Variants in CAMK2D observed in about 807,000 individuals in gnomAD.
CAMK2D encodes the protein calcium/calmodulin dependent protein kinase II delta, also known as calcium/calmodulin-dependent protein kinase type II subunit delta.
In CAMK2D, 37 loss-of-function variants were observed where a neutral mutation model predicts 84.0. That is an observed-to-expected ratio of 0.44 (90% CI 0.34 to 0.58). CAMK2D has a LOEUF of 0.58. Among genes scored for constraint, CAMK2D ranks in the 20% least tolerant of loss-of-function variants. CAMK2D has a pLI of 0.02. For synonymous variants in CAMK2D, 202 were observed against 212.5 expected (o/e 0.95, Z 0.43); for missense variants, 448 against 652.5 (o/e 0.69, Z 3.41).
intron 20 of CAMK2D, among the ~76,000 whole-genome samples, chr4:113,455,510 AGT>A (rs2097293484): frequency 3.3e-5 from 5 of 152,320 alleles, no homozygotes; most frequent in Admixed American, 3.3e-4. Context: ...AATTCTTTTC[AGT>A]GTTTATTACC....
At chr4:113,716,520 G>A (rs1466936374) in intron 2 of CAMK2D, among the ~76,000 whole-genome samples, 2 of 151,882 alleles carry the variant, frequency 1.3e-5, no homozygotes, top group Non-Finnish European at 2.9e-5. Flanking sequence ...ATGTGGTGGT[G>A]CACACCTGTA....
chr4:113,504,728 G>C (rs1226638374), intron 14 of CAMK2D, among the ~76,000 whole-genome samples: 1 of 150,036 alleles, frequency 6.7e-6, no homozygotes, highest in African/African-American at 2.4e-5. Flanking sequence ...TCAGTACAAT[G>C]TTCAACAACG....
At chr4:113,734,151 A>G (rs2099575688) in intron 2 of CAMK2D, among the ~76,000 whole-genome samples, 1 of 152,178 alleles carries the variant, frequency 6.6e-6, no homozygotes, top group South Asian at 2.1e-4. Context: ...AACTGAGGGC[A>G]TAAAATAAAA....
In CAMK2D at chr4:113,517,566, A is replaced by T; in HGVS notation, c.693T>A (p.Tyr231Ter). Reference protein sequence around the residue: ...RLYQQIKAGAYDFPSPEWDTV... With the variant: ...RLYQQIKAGA ...GATATAAATAGTTATTACATACATCATAAGCTCCAGCCTTGATCTGCTGAT... is the reference window on the plus strand; with the variant it reads ...GATATAAATAGTTATTACATACATCTTAAGCTCCAGCCTTGATCTGCTGAT... Residue 231 changes from tyrosine (Y) to a stop codon, truncating the protein, a stop_gained, in exon 9 of 21, where the codon TAT becomes TAA. Coordinates refer to ENST00000511664, the MANE Select transcript of CAMK2D (RefSeq NM_001321571.2). LOFTEE classifies it high-confidence loss of function. The T allele has an allele frequency of 6.6e-7, 1 of 1,507,304 alleles. No individual in the cohort carries two copies. Among genetic ancestry groups the T allele is most frequent in the African/African-American group, 1.4e-5 (1 of 72,976 alleles). 93.4% of individuals were successfully genotyped at this position (1,507,304 alleles called of 1,614,324 possible).
At chr4:113,649,848 G>A (rs1007990247) in intron 3 of CAMK2D, among the ~76,000 whole-genome samples, 2 of 152,194 alleles carry the variant, frequency 1.3e-5, no homozygotes, top group Non-Finnish European at 2.9e-5. Context: ...TTGGGAGGCC[G>A]AGGTGGGCAG....
chr4:113,688,948 A>C (rs774053967), intron 2 of CAMK2D, among the ~76,000 whole-genome samples: 2,075 of 128,734 alleles, frequency 0.016, 32 homozygotes, highest in East Asian at 0.074. Context: ...AGAGCACACT[A>C]AAAAAAAAAA....
intron 4 of CAMK2D, among the ~76,000 whole-genome samples, chr4:113,586,921 T>A (rs1295907947): frequency 6.6e-6 from 1 of 152,144 alleles, no homozygotes; most frequent in Non-Finnish European, 1.5e-5. Flanking sequence ...GAATAAAAAA[T>A]AAGACTTCAG....
At chr4:113,721,564 A>G (rs989995797) in intron 2 of CAMK2D, among the ~76,000 whole-genome samples, 1 of 152,162 alleles carries the variant, frequency 6.6e-6, no homozygotes, top group Non-Finnish European at 1.5e-5. Context: ...ATGAATACCA[A>G]TGTTCATGTG....
At chr4:113,674,338 G>A (rs189355400) in intron 2 of CAMK2D, among the ~76,000 whole-genome samples, 123 of 152,160 alleles carry the variant, frequency 8.1e-4, no homozygotes, top group African/African-American at 2.7e-3. Context: ...AGATGTCATC[G>A]TTCATCATTC....
At chr4:113,619,118 C>T (rs1451320076) in intron 3 of CAMK2D, among the ~76,000 whole-genome samples, 1 of 151,136 alleles carries the variant, frequency 6.6e-6, no homozygotes, top group Admixed American at 6.6e-5. Context: ...TTCCATCTTT[C>T]CAGTTGCTCA....
chr4:113,638,874 T>C (rs2154292631), intron 3 of CAMK2D, among the ~76,000 whole-genome samples: 1 of 152,192 alleles, frequency 6.6e-6, no homozygotes, highest in South Asian at 2.1e-4. Context: ...TAAAAGTGAA[T>C]GTAAAAATCT....
At chr4:113,587,959 G>A (rs1282118392) in intron 4 of CAMK2D, among the ~76,000 whole-genome samples, 1 of 152,066 alleles carries the variant, frequency 6.6e-6, no homozygotes, top group African/African-American at 2.4e-5. Flanking sequence ...GCAAGAGCAG[G>A]CAGAAAATAT....
intron 13 of CAMK2D, among the ~76,000 whole-genome samples, chr4:113,506,473 A>C (rs979808002): frequency 4.6e-5 from 7 of 152,162 alleles, no homozygotes; most frequent in African/African-American, 1.4e-4. Context: ...TTTAAATCAA[A>C]GTGCACAGAA....
chr4:113,606,628 C>A (rs1161073374), intron 4 of CAMK2D, among the ~76,000 whole-genome samples: 1 of 152,012 alleles, frequency 6.6e-6, no homozygotes, highest in Non-Finnish European at 1.5e-5. Context: ...GCCTCAGGGA[C>A]CTCTTAGACT....
At chr4:113,489,990 T>C (rs989417774) in intron 16 of CAMK2D, among the ~76,000 whole-genome samples, 1 of 150,780 alleles carries the variant, frequency 6.6e-6, no homozygotes, top group Non-Finnish European at 1.5e-5. Context: ...GATGGGGTTG[T>C]TTGTTTTTTT....
chr4:113,559,596 G>C (rs1257232204), intron 4 of CAMK2D, among the ~76,000 whole-genome samples: 3 of 152,360 alleles, frequency 2.0e-5, no homozygotes, highest in Non-Finnish European at 4.4e-5. Flanking sequence ...ACCAGGGTTA[G>C]GCTGAACCTT....
At chr4:113,629,434 C>T (rs1208192555) in intron 3 of CAMK2D, among the ~76,000 whole-genome samples, 5 of 151,952 alleles carry the variant, frequency 3.3e-5, no homozygotes, top group Admixed American at 1.3e-4. Context: ...TAAGAAATAA[C>T]TTTCAGTAAA....
chr4:113,655,508 A>G (rs1035478941), intron 3 of CAMK2D, among the ~76,000 whole-genome samples: 2 of 152,116 alleles, frequency 1.3e-5, no homozygotes, highest in Non-Finnish European at 2.9e-5. Flanking sequence ...TCATTAAGCC[A>G]TATTATAATG....
chr4:113,658,391 T>G (rs1005971051), intron 3 of CAMK2D, among the ~76,000 whole-genome samples: 1 of 152,206 alleles, frequency 6.6e-6, no homozygotes, highest in Non-Finnish European at 1.5e-5. Flanking sequence ...ATTGGTTCCC[T>G]CTGCCTACAA....
Sources: gnomAD v4.1 joint callset for allele counts (sites outside exome capture counted in the v4.1 genomes callset) on GRCh38, gnomAD v4.1.1 for gene constraint, MANE v1.5 for transcripts, NCBI Gene and HGNC (gene_info 2026-07-23, HGNC 2026-07-21) for gene names.